The following DOK3 variants were observed in gnomAD, a reference collection of about 807,000 sequenced individuals.
DOK3 encodes the protein Dok-like protein.
In DOK3, 23 loss-of-function variants were observed where a neutral mutation model predicts 26.2. The ratio of observed to expected loss-of-function variants is 0.88; its 90% CI spans 0.63 to 1.24. The LOEUF is 1.24. Ranked by LOEUF, DOK3 falls within the 50% of genes most tolerant of loss-of-function variation. DOK3 has a pLI of 0.00. For missense variants in DOK3, 619 were observed against 610.6 expected (o/e 1.01, Z -0.15); for synonymous variants, 268 against 268.2 (o/e 1.00, Z 0.01).
rs375009995 is a variant in DOK3 at position 177,509,822 on chromosome 5, C to T, written c.-182G>A. The T allele has an allele frequency of 2.4e-5, 39 of 1,610,014 alleles. No individual in the cohort carries two copies. The highest frequency in any genetic ancestry group is 5.0e-5 in the Admixed American group (3 of 59,988). The stretch of plus-strand genomic sequence containing the variant: ...CGCACCTGGTTCAGCTGGGCACGCG[C>T]GTCTGATCGCAGTCTGGCTCCCCGA... On this transcript the variant is annotated 5_prime_UTR_variant, in exon 1 of 6. Transcript: ENST00000510898.
At chr5:177,510,596 G>T (rs1760856881), upstream of DOK3, 1 of 152,374 alleles carries the variant, frequency 6.6e-6, no homozygotes, top group African/African-American at 2.4e-5. Flanking sequence ...GAGAGAACAT[G>T]GAAGAGGATA....
In DOK3 at chr5:177,509,788, G is replaced by T. The variant is rs556638367; in HGVS notation, c.-148C>A. ...GGGAGCCCCCGGCCACCTGAAGGCAGCCTTCTCACGCACCTGGTTCAGCTG... is the reference window on the plus strand; with the variant it reads ...GGGAGCCCCCGGCCACCTGAAGGCATCCTTCTCACGCACCTGGTTCAGCTG... On this transcript the variant is annotated 5_prime_UTR_variant, in exon 1 of 6. The change creates a new upstream start codon in the 5' untranslated region. Coordinates refer to ENST00000510898, the MANE Select transcript of DOK3 (RefSeq NM_001308236.3). 45 of 1,612,102 alleles carry T rather than the reference G, an allele frequency of 2.8e-5. No homozygotes were observed. In the Middle Eastern group the frequency reaches 8.0e-4, roughly 29 times the overall value.
chr5:177,502,828 A>G lies in DOK3; in HGVS notation c.*1155T>C, dbSNP rs1057180671. On this transcript the variant is annotated 3_prime_UTR_variant, in exon 6 of 6. Transcript: ENST00000510898. ...GGGACTTTGCCAGACCAGTAAGATG[A>G]AACGAGAGAGAACAGGGGGAAGGGA... The G allele has an allele frequency of 3.1e-5, 17 of 549,194 alleles. No individual in the cohort carries two copies. The highest frequency in any genetic ancestry group is 4.7e-4 in the Middle Eastern group (1 of 2,118). 34.0% of individuals were successfully genotyped at this position (549,194 alleles called of 1,614,324 possible).
rs1165037201 is a variant in DOK3, at chr5:177,508,372, G to GGACA, written c.233_236dup (p.Leu81ArgfsTer5). 6.2e-7 allele frequency: 1 copy of GGACA among 1,602,710 alleles called. No homozygotes were observed. Among genetic ancestry groups the GGACA allele is most frequent in the African/African-American group, 1.3e-5 (1 of 74,866 alleles). Reference sequence around the variant, plus strand: ...AGCTCTCGCCGTCAGCCGGCAGCACGGACACACAGTCAGCCAGGCGGATGA... The same window carrying GGACA: ...AGCTCTCGCCGTCAGCCGGCAGCACGGACAGACACACAGTCAGCCAGGCGGATGA... On this transcript the variant is annotated frameshift_variant, in exon 3 of 6. Coordinates refer to ENST00000510898, the MANE Select transcript of DOK3 (RefSeq NM_001308236.3). LOFTEE classifies it high-confidence loss of function.
rs1561717159 is a variant in DOK3 at position 177,504,590 on chromosome 5, CAG to C, written c.714_715del (p.Ala240ProfsTer2). ...CACAGCCCTGCACAGGTCAGGGGCA[CAG>C]GGGGTGCTGAAGGCAAAGAGGCCCT... On this transcript the variant is annotated frameshift_variant, in exon 6 of 6. Coordinates refer to ENST00000510898, the MANE Select transcript of DOK3 (RefSeq NM_001308236.3). LOFTEE classifies it low-confidence loss of function (END_TRUNC). 2.9e-5 allele frequency: 47 copies of C among 1,608,198 alleles called. No homozygotes were observed. Among genetic ancestry groups the C allele is most frequent in the Non-Finnish European group, 3.9e-5 (46 of 1,178,334 alleles).
chr5:177,504,114 G>A lies in DOK3; in HGVS notation c.1192C>T (p.Arg398Trp), dbSNP rs376113622. ...ACCTGATCCAGCTCCAGCAGCCGCC[G>A]GTACTGGGCCTCCAGGGTACTGTCG... ...ANDSTLEAQY[R>W]RLLELDQVEG... Residue 398 changes from arginine to tryptophan, a missense_variant, in exon 6 of 6, where the codon CGG becomes TGG. Transcript: ENST00000510898. The A allele has an allele frequency of 2.7e-5, 43 of 1,613,496 alleles. No individual in the cohort carries two copies. The highest frequency in any genetic ancestry group is 1.0e-4 in the Admixed American group (6 of 59,964).
intron 3 of DOK3, 149 bp from the exon 4 acceptor site, chr5:177,505,259 G>T: frequency 1.4e-6 from 1 of 702,916 alleles, no homozygotes. Context: ...ATAAGCCTAG[G>T]TCCCCTTCCG....
Position 177,503,972 on chromosome 5 carries a change from C to G in DOK3, c.*11G>C. 1 of 1,533,182 alleles carries G rather than the reference C, an allele frequency of 6.5e-7. No homozygotes were observed. The highest frequency in any genetic ancestry group is 8.8e-7 in the Non-Finnish European group (1 of 1,140,086). 95.0% of individuals were successfully genotyped at this position (1,533,182 alleles called of 1,614,324 possible). On this transcript the variant is annotated 3_prime_UTR_variant, in exon 6 of 6. Coordinates refer to ENST00000510898, the MANE Select transcript of DOK3 (RefSeq NM_001308236.3). ...GCACCTCTCCCCTCTGGCCACCACT[C>G]TGCTGGGCGTTCAGGGCCGGTCACA...
At chr5:177,510,038 C>T (rs1306448417), upstream of DOK3, 16 of 767,202 alleles carry the variant, frequency 2.1e-5, no homozygotes, top group Non-Finnish European at 3.4e-5. Context: ...CTCGTGTTCA[C>T]CTGCTCCTCT....
intron 4 of DOK3, 34 bp downstream of exon 4, chr5:177,504,977 G>C: frequency 1.9e-6 from 3 of 1,589,832 alleles, no homozygotes; most frequent in South Asian, 1.1e-5. Flanking sequence ...GGGTGTGGGG[G>C]GCTGAGGCTG....
At position 177,504,055 on chromosome 5, in the gene DOK3, AC is replaced by A. The variant is rs1185000460; in HGVS notation, c.1250del (p.Gly417ValfsTer7). ...EGTGRPDPQA[G>X]FKAKLVTLLS... Reference sequence around the variant, plus strand: ...GCAGGGTCACCAGCTTGGCCTTGAAACCTGCCTGAGGGTCAGGGCGGCCTGT... The same window carrying A: ...GCAGGGTCACCAGCTTGGCCTTGAAACTGCCTGAGGGTCAGGGCGGCCTGT... On this transcript the variant is annotated frameshift_variant, in exon 6 of 6. Coordinates refer to ENST00000510898, the MANE Select transcript of DOK3 (RefSeq NM_001308236.3). LOFTEE classifies it high-confidence loss of function. 6.2e-7 allele frequency: 1 copy of A among 1,602,762 alleles called. No individual in the cohort carries two copies. The highest frequency in any genetic ancestry group is 1.7e-5 in the Admixed American group (1 of 58,562).
rs375407747 is a variant in DOK3 at position 177,509,666 on chromosome 5, C to T, written c.-117-9G>A. 1.8e-4 allele frequency: 287 copies of T among 1,589,534 alleles called. No homozygotes were observed. Among genetic ancestry groups the T allele is most frequent in the Middle Eastern group, 5.0e-4 (3 of 5,954 alleles). ...CCTCCGTCTAGAGACAGCTGCAGGC[C>T]GGGGGGAGGGGAGCCTGTCTTCAGC... On this transcript the variant is annotated splice_polypyrimidine_tract_variant and intron_variant, in intron 1 of 5. Coordinates refer to ENST00000510898, the MANE Select transcript of DOK3 (RefSeq NM_001308236.3).
rs756537878 is a variant in DOK3 at position 177,509,676 on chromosome 5, G to T, written c.-117-19C>A. ...GAGACAGCTGCAGGCCGGGGGGAGGGGAGCCTGTCTTCAGCTCAGGGGCTG... is the reference window on the plus strand; with the variant it reads ...GAGACAGCTGCAGGCCGGGGGGAGGTGAGCCTGTCTTCAGCTCAGGGGCTG... On this transcript the variant is annotated intron_variant, in intron 1 of 5. Transcript: ENST00000510898. The T allele has an allele frequency of 6.3e-7, 1 of 1,592,946 alleles. No homozygotes were observed. The highest frequency in any genetic ancestry group is 1.7e-5 in the Admixed American group (1 of 58,948).
rs576922798 is a variant in DOK3, at chr5:177,502,386, A to C, written c.*1597T>G. On this transcript the variant is annotated 3_prime_UTR_variant, in exon 6 of 6. Transcript: ENST00000510898. ...GGTTTAAAATGTGAAATTACAGAGC[A>C]TGTTTGCGTGTGGCTGGAAAAGCTG... 1.3e-5 allele frequency: 2 copies of C among 152,412 alleles called. No individual in the cohort carries two copies. Among genetic ancestry groups the C allele is most frequent in the South Asian group, 4.1e-4 (2 of 4,844 alleles). 9.4% of individuals were successfully genotyped at this position (152,412 alleles called of 1,614,324 possible).
rs1759614151 is a variant in DOK3, at chr5:177,503,735, G to A, written c.*248C>T. On this transcript the variant is annotated 3_prime_UTR_variant, in exon 6 of 6. Transcript: ENST00000510898. Reference sequence around the variant, plus strand: ...GGTGCTTGTGTTGGCCGCAATGAACGTGGGCAGGGGCGTGTGCCGTGAGTG... The same window carrying A: ...GGTGCTTGTGTTGGCCGCAATGAACATGGGCAGGGGCGTGTGCCGTGAGTG... 8 of 1,407,402 alleles carry A rather than the reference G, an allele frequency of 5.7e-6. No individual in the cohort carries two copies. The highest frequency in any genetic ancestry group is 2.6e-4 in the Middle Eastern group (1 of 3,814). The allele number at this position is 1,407,402 out of a possible 1,614,324, so 87.2% of individuals were successfully genotyped here.
Position 177,502,938 on chromosome 5 carries a change from G to T in DOK3, c.*1045C>A. 9.9e-7 allele frequency: 1 copy of T among 1,007,822 alleles called. No individual in the cohort carries two copies. The highest frequency in any genetic ancestry group is 1.4e-6 in the Non-Finnish European group (1 of 699,008). 62.4% of individuals were successfully genotyped at this position (1,007,822 alleles called of 1,614,324 possible). A position where few individuals can be genotyped will look rare whatever the true frequency, so the allele number is the denominator to read the frequency against. On this transcript the variant is annotated 3_prime_UTR_variant, in exon 6 of 6. Coordinates refer to ENST00000510898, the MANE Select transcript of DOK3 (RefSeq NM_001308236.3). ...TGCAGGTCGACATGCCTAGGCAGGG[G>T]CGGTACTGGCCGCACTAAAGGAAGT...
chr5:177,508,036 C>T (rs373696059), intron 3 of DOK3, among the ~76,000 whole-genome samples: 5 of 152,226 alleles, frequency 3.3e-5, no homozygotes, highest in East Asian at 1.9e-4. Flanking sequence ...CCCTGCCCGT[C>T]GCTCCCTCAC....
intron 3 of DOK3, among the ~76,000 whole-genome samples, chr5:177,505,893 G>C (rs949114331): frequency 2.0e-5 from 3 of 149,782 alleles, no homozygotes; most frequent in Non-Finnish European, 4.5e-5. Context: ...CCCGCCACCA[G>C]GCCTGGCTAA....
rs541484771 is a variant in DOK3 at position 177,508,950 on chromosome 5, CT to C, written c.67-409del. On this transcript the variant is annotated intron_variant, in intron 2 of 5. Coordinates refer to ENST00000510898, the MANE Select transcript of DOK3 (RefSeq NM_001308236.3). Reference sequence around the variant, plus strand: ...GTGGGAGGGAGGCCTCTGCCTCAAGCTGTTAAGGAAGGAAACATGCAAATAG... The same window carrying C: ...GTGGGAGGGAGGCCTCTGCCTCAAGCGTTAAGGAAGGAAACATGCAAATAG... 1.3e-3 allele frequency: 290 copies of C among 223,664 alleles called. 1 individual carries two copies. The highest frequency in any genetic ancestry group is 2.0e-3 in the Non-Finnish European group (231 of 114,248). 13.9% of individuals were successfully genotyped at this position (223,664 alleles called of 1,614,324 possible). A position where few individuals can be genotyped will look rare whatever the true frequency, so the allele number is the denominator to read the frequency against.
Sources: gnomAD v4.1 joint callset for allele counts (sites outside exome capture counted in the v4.1 genomes callset) on GRCh38, gnomAD v4.1.1 for gene constraint, MANE v1.5 for transcripts, NCBI Gene and HGNC (gene_info 2026-07-23, HGNC 2026-07-21) for gene names.